LMBR1: variants seen among roughly 807,000 people sequenced by gnomAD.
LMBR1 encodes limb development membrane protein 1.
In LMBR1, 52 loss-of-function variants were observed where a neutral mutation model predicts 73.9. The ratio of observed to expected loss-of-function variants is 0.70; its 90% CI spans 0.56 to 0.89. The LOEUF is 0.89. Ranked by LOEUF, LMBR1 falls within the 40% of genes least tolerant of loss-of-function variation. The pLI, the probability that LMBR1 is intolerant of heterozygous loss-of-function variation, is 0.00. For synonymous variants in LMBR1, 215 were observed against 209.4 expected (o/e 1.03, Z -0.23); for missense variants, 539 against 579.8 (o/e 0.93, Z 0.72).
intron 5 of LMBR1, among the ~76,000 whole-genome samples, chr7:156,764,548 T>C (rs1438733882): frequency 2.0e-5 from 3 of 152,222 alleles, no homozygotes; most frequent in Admixed American, 2.0e-4. Flanking sequence ...TGATTGAATC[T>C]GCACCTATAA....
chr7:156,882,704 T>C (rs544649321), intron 1 of LMBR1, among the ~76,000 whole-genome samples: 25 of 152,126 alleles, frequency 1.6e-4, no homozygotes, highest in Non-Finnish European at 3.5e-4. Flanking sequence ...TGTGCAACAT[T>C]GTACCTATAA....
At chr7:156,772,178 G>A (rs565105546) in intron 5 of LMBR1, among the ~76,000 whole-genome samples, 1 of 152,280 alleles carries the variant, frequency 6.6e-6, no homozygotes, top group South Asian at 2.1e-4. Flanking sequence ...GAAGGCTGAG[G>A]CAGGAGAATC....
At chr7:156,737,419 T>G (rs1206739167) in intron 9 of LMBR1, among the ~76,000 whole-genome samples, 1 of 152,138 alleles carries the variant, frequency 6.6e-6, no homozygotes, top group Admixed American at 6.5e-5. Context: ...TCCATTTTCA[T>G]GTACTGTGTT....
At chr7:156,887,665 C>G (rs983521442) in intron 1 of LMBR1, among the ~76,000 whole-genome samples, 5 of 151,904 alleles carry the variant, frequency 3.3e-5, no homozygotes, top group African/African-American at 1.2e-4. Flanking sequence ...AAAAATAGAT[C>G]AATTGGACTA....
intron 5 of LMBR1, among the ~76,000 whole-genome samples, chr7:156,775,258 C>A (rs765306649): frequency 1.3e-5 from 2 of 152,106 alleles, no homozygotes; most frequent in Non-Finnish European, 2.9e-5. Flanking sequence ...ATCCCAGCTA[C>A]TCAGGAGGCC....
intron 4 of LMBR1, among the ~76,000 whole-genome samples, chr7:156,796,978 G>A (rs1054879801): frequency 6.6e-5 from 10 of 152,096 alleles, no homozygotes; most frequent in South Asian, 4.1e-4. Flanking sequence ...GACATTATCC[G>A]AACTCATTTA....
rs906565805 is a variant in LMBR1, at chr7:156,670,084, T to C, written n.867-797A>G. Among the ~76,000 whole-genome samples, 5 of 152,280 alleles carry C rather than the reference T, an allele frequency of 3.3e-5. No individual in the cohort carries two copies. The highest frequency in any genetic ancestry group is 3.3e-4 in the Admixed American group (5 of 15,292). On this transcript the variant is annotated intron_variant and non_coding_transcript_variant, in intron 4 of 4. Transcript: ENST00000430825. This position sits in a 1 kb window ranked among gnomAD's most constrained non-coding sequence, Gnocchi z 4.3. The stretch of plus-strand genomic sequence containing the variant: ...GTTATTCTAAGAAAAAATTAAATTA[T>C]AAATTTTATGACTTTCACAGTGCAT...
At chr7:156,712,969 T>C (rs1175077063) in intron 15 of LMBR1, among the ~76,000 whole-genome samples, 1 of 152,104 alleles carries the variant, frequency 6.6e-6, no homozygotes, top group Non-Finnish European at 1.5e-5. Context: ...ACACAATCTA[T>C]GCATGCAACA....
intron 4 of LMBR1, among the ~76,000 whole-genome samples, chr7:156,803,442 C>T (rs1027400309): frequency 2.6e-5 from 4 of 152,054 alleles, no homozygotes; most frequent in African/African-American, 9.7e-5. Context: ...CAAATCAAAA[C>T]CACAATGAGA....
At chr7:156,761,131 G>GCT (rs904055081) in intron 8 of LMBR1, among the ~76,000 whole-genome samples, 28 of 152,322 alleles carry the variant, frequency 1.8e-4, no homozygotes, top group Admixed American at 1.8e-3. Flanking sequence ...TCGCTCATGA[G>GCT]CTAGAGTGAC....
intron 5 of LMBR1, among the ~76,000 whole-genome samples, chr7:156,768,308 G>C (rs1459975965): frequency 2.0e-5 from 3 of 151,910 alleles, no homozygotes; most frequent in Non-Finnish European, 4.4e-5. Flanking sequence ...GTTGCAGTGA[G>C]CCAAGACTGC....
At chr7:156,725,958 A>G (rs529774472) in intron 12 of LMBR1, 121 bp from the exon 13 acceptor site, 5 of 705,658 alleles carry the variant, frequency 7.1e-6, no homozygotes, top group South Asian at 6.2e-5. Context: ...TTGAAATAAC[A>G]TCTAGACTTT....
intron 1 of LMBR1, among the ~76,000 whole-genome samples, chr7:156,865,227 A>G (rs555977707): frequency 9.2e-5 from 14 of 152,146 alleles, no homozygotes; most frequent in Admixed American, 3.9e-4. Flanking sequence ...AGATCACTTG[A>G]GCCTAGGGGT....
chr7:156,722,968 A>T (rs1357054357), intron 15 of LMBR1, among the ~76,000 whole-genome samples: 2 of 152,118 alleles, frequency 1.3e-5, no homozygotes, highest in Non-Finnish European at 2.9e-5. Context: ...GACTGTCATA[A>T]TATAAATGAT....
At chr7:156,880,705 T>C (rs1482626082) in intron 1 of LMBR1, among the ~76,000 whole-genome samples, 1 of 151,978 alleles carries the variant, frequency 6.6e-6, no homozygotes, top group African/African-American at 2.4e-5. Flanking sequence ...AAGGATGGAG[T>C]GCAGTGACAC....
At chr7:156,867,394 G>A (rs1015957313) in intron 1 of LMBR1, among the ~76,000 whole-genome samples, 5 of 152,196 alleles carry the variant, frequency 3.3e-5, no homozygotes, top group South Asian at 2.1e-4. Flanking sequence ...ACTTTATGAC[G>A]CAGCATGTCC....
At chr7:156,799,960 T>C (rs564944206) in intron 4 of LMBR1, among the ~76,000 whole-genome samples, 2 of 152,264 alleles carry the variant, frequency 1.3e-5, no homozygotes, top group African/African-American at 4.8e-5. Flanking sequence ...TTCACATCTA[T>C]GAAGGCTGAG....
chr7:156,858,920 T>C (rs1039022352), intron 1 of LMBR1, among the ~76,000 whole-genome samples: 2 of 152,064 alleles, frequency 1.3e-5, no homozygotes, highest in African/African-American at 2.4e-5. Flanking sequence ...TGATAAAGAA[T>C]GTCTACAAAA....
At chr7:156,693,127 C>T (rs1807563693) in intron 15 of LMBR1, among the ~76,000 whole-genome samples, 1 of 151,998 alleles carries the variant, frequency 6.6e-6, no homozygotes, top group Admixed American at 6.5e-5. Context: ...TTTGAAATGT[C>T]TTATGTACTT....
Sources: gnomAD v4.1 joint callset for allele counts (sites outside exome capture counted in the v4.1 genomes callset) on GRCh38, gnomAD v4.1.1 for gene constraint, Gnocchi (gnomAD v3.1) non-coding constraint, MANE v1.5 for transcripts, NCBI Gene and HGNC (gene_info 2026-07-23, HGNC 2026-07-21) for gene names.